Variants in CDK5RAP2 observed in about 807,000 individuals in gnomAD.
CDK5RAP2 encodes CDK5 regulatory subunit associated protein 2, also known as CDK5 regulatory subunit-associated protein 2.
Under a neutral mutation model 232.9 loss-of-function variants are expected in CDK5RAP2, and 147 were observed. That is an observed-to-expected ratio of 0.63 (90% CI 0.55 to 0.72). The LOEUF (loss-of-function observed/expected upper bound fraction) is 0.72. Among genes scored for constraint, CDK5RAP2 ranks in the 30% least tolerant of loss-of-function variants. The pLI is 0.00. For synonymous variants in CDK5RAP2, 833 were observed against 833.7 expected, an observed-to-expected ratio of 1.00 and a Z score of 0.01; for missense variants, 2,195 against 2,231.5, an observed-to-expected ratio of 0.98 and a Z score of 0.33.
At chr9:120,493,350 A>G (rs891028990) in intron 12 of CDK5RAP2, among the ~76,000 whole-genome samples, 8 of 152,348 alleles carry the variant, frequency 5.3e-5, no homozygotes, top group Admixed American at 5.2e-4. Flanking sequence ...TACAGCCACC[A>G]TTGGAGGATT....
rs370034267 is a variant in CDK5RAP2 at position 120,577,178 on chromosome 9, C to G, written c.59+2742G>C. On this transcript the variant is annotated intron_variant, in intron 1 of 37. Transcript: ENST00000349780. The stretch of plus-strand genomic sequence containing the variant: ...GGAGTTCAAGACCAGCCTGGTCAAC[C>G]TGGTGAAACCCCGTCTCTACCAAAA... Among the ~76,000 whole-genome samples the G allele has an allele frequency of 3.9e-5, 6 of 151,950 alleles. No individual in the cohort carries two copies. The East Asian group carries it at 1.2e-3, about 29-fold the overall frequency.
At chr9:120,506,385 T>C (rs940003414) in intron 12 of CDK5RAP2, among the ~76,000 whole-genome samples, 1 of 152,236 alleles carries the variant, frequency 6.6e-6, no homozygotes, top group African/African-American at 2.4e-5. Flanking sequence ...CTGATGGAGA[T>C]GTACAAGAAG....
intron 17 of CDK5RAP2, among the ~76,000 whole-genome samples, chr9:120,469,295 T>C (rs138302656): frequency 6.2e-4 from 95 of 152,276 alleles, no homozygotes; most frequent in African/African-American, 2.2e-3. Flanking sequence ...AAGCCTCCCC[T>C]GATCAGGTGA....
In CDK5RAP2 at chr9:120,579,951, C is replaced by A. The variant is rs773902230; in HGVS notation, c.28G>T (p.Val10Phe). 1.2e-6 allele frequency: 2 copies of A among 1,613,216 alleles called. No homozygotes were observed. Among genetic ancestry groups the A allele is most frequent in the Admixed American group, 1.7e-5 (1 of 60,012 alleles). Residue 10 changes from valine to phenylalanine, a missense_variant, in exon 1 of 38, where the codon GTC becomes TTC. Coordinates refer to ENST00000349780, the MANE Select transcript of CDK5RAP2 (RefSeq NM_018249.6). ...CCGCTGAGCGTCCCAGGGACGGTGA[C>A]GTCCTCTTCCAACACCAAGTCCATC... MMDLVLEED[V>F]TVPGTLSGCS...
In CDK5RAP2 at chr9:120,445,504, T is replaced by G. The variant is rs114419961; in HGVS notation, c.3026-1762A>C. The stretch of plus-strand genomic sequence containing the variant: ...TCCTCCATTCTCTCTCTGCAACCCA[T>G]GCCAATCACGCTGCACCCACTCCAC... On this transcript the variant is annotated intron_variant, in intron 22 of 37. Transcript: ENST00000349780. 5.8e-3 allele frequency among the ~76,000 whole-genome samples: 885 copies of G among 152,234 alleles called. 10 individuals are homozygous for G. The highest frequency in any genetic ancestry group is 0.02 in the African/African-American group (814 of 41,540).
At chr9:120,536,330 A>G in intron 7 of CDK5RAP2, 42 bp downstream of exon 7, 3 of 1,604,930 alleles carry the variant, frequency 1.9e-6, no homozygotes, top group Non-Finnish European at 2.6e-6. Context: ...CCACGCTGCC[A>G]GATAATGTGA....
At position 120,471,798 on chromosome 9, in the gene CDK5RAP2, T is replaced by A. The variant is rs144564533; in HGVS notation, c.1808A>T (p.Asn603Ile). The A allele has an allele frequency of 6.8e-5, 110 of 1,614,004 alleles. No homozygotes were observed. In the African/African-American group the frequency reaches 1.4e-3, roughly 21 times the overall value. ...QLEQDVLSYQ[N>I]LRKTLEEQIS... Reference sequence around the variant, plus strand: ...CTGCTCCTCCAAGGTCTTCCGCAAATTCTGATATGAAAGCACATCCTGCTC... The same window carrying A: ...CTGCTCCTCCAAGGTCTTCCGCAAAATCTGATATGAAAGCACATCCTGCTC... The change falls in exon 16 of 38, where the codon AAT becomes ATT. Residue 603 changes from asparagine (N) to isoleucine (I), a missense_variant. Transcript: ENST00000349780.
chr9:120,573,466 T>C (rs2042924667), intron 1 of CDK5RAP2, among the ~76,000 whole-genome samples: 1 of 151,822 alleles, frequency 6.6e-6, no homozygotes, highest in African/African-American at 2.4e-5. Context: ...GGAGAATCAC[T>C]TGAACCCAGG....
At chr9:120,542,656 A>G (rs1233840933) in intron 5 of CDK5RAP2, among the ~76,000 whole-genome samples, 1 of 152,226 alleles carries the variant, frequency 6.6e-6, no homozygotes, top group Non-Finnish European at 1.5e-5. Context: ...GTCAGGGACT[A>G]AAGTTCTAAT....
At chr9:120,450,230 T>C (rs1385915725) in intron 21 of CDK5RAP2, among the ~76,000 whole-genome samples, 1 of 152,222 alleles carries the variant, frequency 6.6e-6, no homozygotes, top group Non-Finnish European at 1.5e-5. Context: ...AAAAACAGTA[T>C]GCTAAGTGGA....
chr9:120,398,620 C>G (rs980688694), intron 35 of CDK5RAP2, among the ~76,000 whole-genome samples: 6 of 152,194 alleles, frequency 3.9e-5, no homozygotes, highest in Non-Finnish European at 7.3e-5. Context: ...TAAGTCAAAT[C>G]TACAAAACAA....
chr9:120,437,173 C>G (rs1004589071), intron 25 of CDK5RAP2, 122 bp downstream of exon 25: 5 of 750,594 alleles, frequency 6.7e-6, no homozygotes, highest in African/African-American at 3.4e-5. Context: ...TCTGCTGTCA[C>G]CTCATCAAGG....
At chr9:120,496,676 G>A (rs1403192996) in intron 12 of CDK5RAP2, among the ~76,000 whole-genome samples, 41 of 136,522 alleles carry the variant, frequency 3.0e-4, no homozygotes, top group Non-Finnish European at 3.1e-4. Context: ...CGCCCCGTCC[G>A]GGAGGGAGGT....
intron 23 of CDK5RAP2, among the ~76,000 whole-genome samples, chr9:120,441,599 TAGG>T (rs2035901793): frequency 6.6e-6 from 1 of 152,186 alleles, no homozygotes; most frequent in Non-Finnish European, 1.5e-5. Context: ...CTGGGTGACC[TAGG>T]AGATCTCTCA....
Position 120,541,573 on chromosome 9 carries a change from G to A in CDK5RAP2, c.384-2409C>T, listed in dbSNP as rs140616117. 6.9e-4 allele frequency among the ~76,000 whole-genome samples: 105 copies of A among 152,254 alleles called. 1 individual carries two copies. Among genetic ancestry groups the A allele is most frequent in the Admixed American group, 1.9e-3 (29 of 15,300 alleles). On this transcript the variant is annotated intron_variant, in intron 5 of 37. Coordinates refer to ENST00000349780, the MANE Select transcript of CDK5RAP2 (RefSeq NM_018249.6). Reference sequence around the variant, plus strand: ...TACTTGCAACAATATGACTGCTTTCGTTTTTTATGTCCCCTTATTGTAACT... The same window carrying A: ...TACTTGCAACAATATGACTGCTTTCATTTTTTATGTCCCCTTATTGTAACT...
intron 12 of CDK5RAP2, among the ~76,000 whole-genome samples, chr9:120,515,029 A>G (rs1223393285): frequency 6.6e-6 from 1 of 152,208 alleles, no homozygotes; most frequent in Non-Finnish European, 1.5e-5. Flanking sequence ...ATGATATAAA[A>G]AAACTACATA....
At chr9:120,552,790 G>A (rs565285859) in intron 3 of CDK5RAP2, among the ~76,000 whole-genome samples, 8 of 151,234 alleles carry the variant, frequency 5.3e-5, no homozygotes, top group African/African-American at 1.5e-4. Context: ...ACATGTATAC[G>A]TATGTAACGA....
chr9:120,485,978 A>G (rs1392343450), intron 14 of CDK5RAP2, among the ~76,000 whole-genome samples: 2 of 152,230 alleles, frequency 1.3e-5, no homozygotes, highest in African/African-American at 4.8e-5. Flanking sequence ...AACAGCTCCA[A>G]CTGTTCAGCC....
At chr9:120,564,790 T>C (rs1473325272) in intron 3 of CDK5RAP2, among the ~76,000 whole-genome samples, 1 of 152,204 alleles carries the variant, frequency 6.6e-6, no homozygotes, top group Non-Finnish European at 1.5e-5. Flanking sequence ...CAGCATATGT[T>C]GTACCAGATT....
Sources: allele counts gnomAD v4.1 joint callset (sites outside exome capture counted in the v4.1 genomes callset), GRCh38; gene constraint gnomAD v4.1.1; transcripts MANE v1.5; gene names NCBI Gene and HGNC (gene_info 2026-07-23, HGNC 2026-07-21).